SUCLG2: variants seen among roughly 807,000 people sequenced by gnomAD.
The protein encoded by SUCLG2 is succinate-CoA ligase GDP-forming subunit beta, also known as succinate--CoA ligase [GDP-forming] subunit beta, mitochondrial.
SUCLG2 carries 42 observed loss-of-function variants against 47.9 expected under a neutral mutation model. The observed-to-expected ratio is 0.88, with a 90% CI of 0.69 to 1.14. The LOEUF is 1.14. SUCLG2 is among the 50% of genes most tolerant of loss of function. The pLI, the probability that SUCLG2 is intolerant of heterozygous loss-of-function variation, is 0.00. For missense variants in SUCLG2, 571 were observed against 525.9 expected, an observed-to-expected ratio of 1.09 and a Z score of -0.84; for synonymous variants, 195 against 197.3, an observed-to-expected ratio of 0.99 and a Z score of 0.10.
At chr3:67,635,608 C>A (rs892519345) in intron 1 of SUCLG2, among the ~76,000 whole-genome samples, 7 of 152,262 alleles carry the variant, frequency 4.6e-5, no homozygotes, top group African/African-American at 1.7e-4. Flanking sequence ...TACACAGAAT[C>A]CAGGACTCCT....
chr3:67,599,191 G>T (rs992557364), intron 2 of SUCLG2, among the ~76,000 whole-genome samples: 4 of 152,188 alleles, frequency 2.6e-5, no homozygotes, highest in Non-Finnish European at 5.9e-5. Context: ...ACTTGCCTAG[G>T]GTTGTGAAGC....
chr3:67,368,754 C>T lies in SUCLG2; in HGVS notation c.1184-7986G>A, dbSNP rs184652947. ...CCAAGTAGCTGGGATTACAGGTACC[C>T]GCCACCACATCCAGCTAGTTTTTGT... On this transcript the variant is annotated intron_variant, in intron 10 of 10. Coordinates refer to the SUCLG2 transcript ENST00000493112. 2.5e-3 allele frequency among the ~76,000 whole-genome samples: 387 copies of T among 152,012 alleles called. 2 individuals carry two copies. Among genetic ancestry groups the T allele is most frequent in the African/African-American group, 8.9e-3 (369 of 41,458 alleles).
At chr3:67,542,321 CT>C (rs753389189) in intron 2 of SUCLG2, among the ~76,000 whole-genome samples, 1 of 152,144 alleles carries the variant, frequency 6.6e-6, no homozygotes, top group Non-Finnish European at 1.5e-5. Context: ...ACAAGAGCTC[CT>C]GAAGGAAGCA....
chr3:67,648,494 C>T (rs1252758045), intron 1 of SUCLG2, among the ~76,000 whole-genome samples: 1 of 152,214 alleles, frequency 6.6e-6, no homozygotes, highest in African/African-American at 2.4e-5. Context: ...AATAATTTAA[C>T]AGCATAAGTC....
chr3:67,604,659 G>A (rs1708490222), intron 2 of SUCLG2, among the ~76,000 whole-genome samples: 1 of 135,104 alleles, frequency 7.4e-6, no homozygotes, highest in Non-Finnish European at 1.6e-5. Context: ...GAGAAGAAGA[G>A]AAGGTTTGAA....
At chr3:67,559,156 T>C (rs1559571724) in intron 2 of SUCLG2, among the ~76,000 whole-genome samples, 1 of 152,174 alleles carries the variant, frequency 6.6e-6, no homozygotes, top group Non-Finnish European at 1.5e-5. Context: ...ACAAATCCCT[T>C]CTACAGCTAA....
rs371747858 is a variant in SUCLG2, at chr3:67,620,793, G to C, written c.85-11197C>G. On this transcript the variant is annotated intron_variant, in intron 1 of 10. Coordinates refer to ENST00000307227, the MANE Select transcript of SUCLG2 (RefSeq NM_003848.4). ...AGCATGTTCCAAGGCTCTGGGGTAG[G>C]AAAGGGGTTGGCACGTGCACGAACA... is the stretch of plus-strand genomic sequence containing the variant. Among the ~76,000 whole-genome samples the C allele has an allele frequency of 5.9e-5, 9 of 152,172 alleles. No individual in the cohort carries two copies. In the East Asian group the frequency reaches 1.2e-3, roughly 20 times the overall value.
At chr3:67,647,121 CA>C (rs960996511) in intron 1 of SUCLG2, among the ~76,000 whole-genome samples, 2 of 152,112 alleles carry the variant, frequency 1.3e-5, no homozygotes, top group African/African-American at 4.8e-5. Context: ...GGAAATACAG[CA>C]AGCACAGGGA....
At chr3:67,397,520 T>G (rs1214668738) in intron 10 of SUCLG2, among the ~76,000 whole-genome samples, 4 of 151,962 alleles carry the variant, frequency 2.6e-5, no homozygotes, top group East Asian at 1.9e-4. Context: ...AAATAAAAGA[T>G]GATATAAACA....
intron 1 of SUCLG2, among the ~76,000 whole-genome samples, chr3:67,618,332 T>C (rs115473330): frequency 0.022 from 3,394 of 152,044 alleles, 53 homozygotes; most frequent in Non-Finnish European, 0.035. Flanking sequence ...GACAGGAAAA[T>C]TGCTTGAACC....
At chr3:67,508,404 C>T (rs923223876) in intron 7 of SUCLG2, among the ~76,000 whole-genome samples, 3 of 152,062 alleles carry the variant, frequency 2.0e-5, no homozygotes, top group East Asian at 1.9e-4. Flanking sequence ...AAGAGGTGAA[C>T]GAATGTTTCT....
At chr3:67,629,251 CT>C (rs1194806690) in intron 1 of SUCLG2, among the ~76,000 whole-genome samples, 2 of 152,210 alleles carry the variant, frequency 1.3e-5, no homozygotes, top group African/African-American at 4.8e-5. Context: ...AATTCTCACA[CT>C]AACTCCCAGA....
chr3:67,562,993 T>G (rs1165554843), intron 2 of SUCLG2, among the ~76,000 whole-genome samples: 1 of 151,568 alleles, frequency 6.6e-6, no homozygotes, highest in East Asian at 1.9e-4. Flanking sequence ...AATGATTAAA[T>G]TAATAAAGTA....
At chr3:67,452,890 C>T (rs1704089572) in intron 9 of SUCLG2, among the ~76,000 whole-genome samples, 1 of 152,190 alleles carries the variant, frequency 6.6e-6, no homozygotes, top group South Asian at 2.1e-4. Context: ...ATATAAGAAT[C>T]TTCTAGCCAT....
intron 7 of SUCLG2, among the ~76,000 whole-genome samples, chr3:67,501,392 T>C (rs1705491458): frequency 6.6e-6 from 1 of 152,214 alleles, no homozygotes; most frequent in Admixed American, 6.5e-5. Context: ...GATACTGTGA[T>C]TTATAATAAA....
chr3:67,419,212 A>T (rs180706036), intron 9 of SUCLG2, among the ~76,000 whole-genome samples: 1 of 152,352 alleles, frequency 6.6e-6, no homozygotes, highest in Admixed American at 6.5e-5. Context: ...TGAGAGGAAC[A>T]AATTAAAATA....
intron 2 of SUCLG2, among the ~76,000 whole-genome samples, chr3:67,538,999 T>C (rs1706625328): frequency 6.6e-6 from 1 of 152,240 alleles, no homozygotes; most frequent in South Asian, 2.1e-4. Context: ...TCATGTCATC[T>C]GCAAACAGAG....
At chr3:67,393,802 C>A (rs932154567) in intron 10 of SUCLG2, among the ~76,000 whole-genome samples, 3 of 152,182 alleles carry the variant, frequency 2.0e-5, no homozygotes, top group African/African-American at 2.4e-5. Flanking sequence ...CTCACATGGC[C>A]GGGTACTCCT....
intron 9 of SUCLG2, 95 bp from the exon 10 acceptor site, chr3:67,400,946 T>C: frequency 6.5e-7 from 1 of 1,538,614 alleles, no homozygotes; most frequent in Non-Finnish European, 8.7e-7. Context: ...AAAATAAGAC[T>C]GCTCGTTTTT....
Sources: gnomAD v4.1 joint callset for allele counts (sites outside exome capture counted in the v4.1 genomes callset) on GRCh38, gnomAD v4.1.1 for gene constraint, MANE v1.5 for transcripts, NCBI Gene and HGNC (gene_info 2026-07-23, HGNC 2026-07-21) for gene names.